Variants in CNTLN observed in about 807,000 individuals in gnomAD.
CNTLN encodes centlein.
CNTLN carries 212 observed loss-of-function variants against 180.0 expected under a neutral mutation model. That is an observed-to-expected ratio of 1.18 (90% CI 1.05 to 1.32). CNTLN has a LOEUF of 1.32. CNTLN is among the 40% of genes most tolerant of loss of function. The pLI is 0.00. For missense variants in CNTLN, 2,095 were observed against 1,610.9 expected, an observed-to-expected ratio of 1.30 and a Z score of -5.14; for synonymous variants, 722 against 563.1, an observed-to-expected ratio of 1.28 and a Z score of -3.99.
chr9:17,265,252 C>G (rs866134023), intron 5 of CNTLN, among the ~76,000 whole-genome samples: 19 of 151,276 alleles, frequency 1.3e-4, no homozygotes, highest in South Asian at 2.1e-4. Context: ...TAGCATGAAG[C>G]ATTGTTGAAT....
chr9:17,382,719 A>G (rs1587838525), intron 13 of CNTLN, among the ~76,000 whole-genome samples: 1 of 152,158 alleles, frequency 6.6e-6, no homozygotes, highest in African/African-American at 2.4e-5. Flanking sequence ...TACAATTGCT[A>G]TCCAATCTAG....
chr9:17,518,285 G>A, the CNTLN span, among the ~76,000 whole-genome samples: 7 of 151,906 alleles, frequency 4.6e-5, no homozygotes, highest in East Asian at 1.2e-3. Flanking sequence ...CTGACCTCGT[G>A]ATCTGCCTAC....
At chr9:17,519,191 G>A in the CNTLN span, among the ~76,000 whole-genome samples, 1 of 150,592 alleles carries the variant, frequency 6.6e-6, no homozygotes, top group Non-Finnish European at 1.5e-5. Context: ...GCCTCCCAAA[G>A]TGCTGGGATT....
chr9:17,491,176 G>A (rs1833142473), intron 25 of CNTLN, among the ~76,000 whole-genome samples: 2 of 151,944 alleles, frequency 1.3e-5, no homozygotes, highest in South Asian at 4.1e-4. Flanking sequence ...CTTTATAAAG[G>A]CAATGAAAAT....
chr9:17,277,109 CA>C (rs1828363401), intron 6 of CNTLN, among the ~76,000 whole-genome samples: 4 of 75,958 alleles, frequency 5.3e-5, no homozygotes, highest in East Asian at 4.2e-4. Flanking sequence ...CTTTGAAGTT[CA>C]TAGTCATTTA....
intron 2 of CNTLN, among the ~76,000 whole-genome samples, chr9:17,217,910 A>G (rs1219447700): frequency 2.6e-5 from 4 of 152,194 alleles, no homozygotes; most frequent in African/African-American, 7.2e-5. Context: ...TTGAATGAGT[A>G]TCTGATATAT....
intron 10 of CNTLN, among the ~76,000 whole-genome samples, chr9:17,335,054 A>G (rs907142366): frequency 1.9e-4 from 29 of 152,222 alleles, no homozygotes; most frequent in Admixed American, 1.0e-3. Flanking sequence ...AAGGCAAGAG[A>G]AGACTAATGT....
intron 13 of CNTLN, among the ~76,000 whole-genome samples, chr9:17,376,454 T>A (rs1019068792): frequency 6.6e-6 from 1 of 151,790 alleles, no homozygotes; most frequent in Non-Finnish European, 1.5e-5. Context: ...TTTAAATTTT[T>A]TAATTTTTTT....
At chr9:17,489,191 G>T (rs1232348817) in intron 25 of CNTLN, among the ~76,000 whole-genome samples, 2 of 151,546 alleles carry the variant, frequency 1.3e-5, no homozygotes, top group African/African-American at 2.4e-5. Context: ...TATTTGTCCT[G>T]AATTTTAGAA....
At chr9:17,393,173 CTT>C (rs1426159815) in intron 14 of CNTLN, among the ~76,000 whole-genome samples, 1 of 152,018 alleles carries the variant, frequency 6.6e-6, no homozygotes, top group Non-Finnish European at 1.5e-5. Flanking sequence ...TCTGGGGTCT[CTT>C]ATAATAGCAC....
intron 2 of CNTLN, among the ~76,000 whole-genome samples, chr9:17,151,332 G>C (rs191749056): frequency 7.2e-5 from 11 of 152,158 alleles, no homozygotes; most frequent in Non-Finnish European, 1.6e-4. Context: ...TTGATACCTA[G>C]TTTATTGAGA....
chr9:17,145,175 T>C (rs1818371583), intron 2 of CNTLN, among the ~76,000 whole-genome samples: 1 of 152,196 alleles, frequency 6.6e-6, no homozygotes. Flanking sequence ...CTCTGGGCCT[T>C]TTACCTGATC....
intron 2 of CNTLN, among the ~76,000 whole-genome samples, chr9:17,209,715 T>A (rs895513063): frequency 5.9e-5 from 9 of 152,210 alleles, no homozygotes; most frequent in African/African-American, 2.2e-4. Context: ...CTGTTTTGTC[T>A]AAGTATAGCT....
chr9:17,299,287 A>T, intron 7 of CNTLN: 1 of 162,032 alleles, frequency 6.2e-6, no homozygotes, highest in Non-Finnish European at 1.2e-5. Context: ...AATTCTTCAT[A>T]TGTTTTGTGT....
At chr9:17,442,738 C>G (rs1423534736) in intron 18 of CNTLN, among the ~76,000 whole-genome samples, 1 of 152,054 alleles carries the variant, frequency 6.6e-6, no homozygotes, top group Non-Finnish European at 1.5e-5. Flanking sequence ...TTAAAGATGT[C>G]ACAAAGAAAA....
chr9:17,425,820 G>C (rs1331566751), intron 18 of CNTLN, among the ~76,000 whole-genome samples: 4 of 152,166 alleles, frequency 2.6e-5, no homozygotes, highest in Non-Finnish European at 5.9e-5. Flanking sequence ...GAAGTTGGTT[G>C]AAATTTCTAA....
chr9:17,332,768 A>C lies in CNTLN; in HGVS notation c.1644+38A>C, dbSNP rs888912340. Reference sequence around the variant, plus strand: ...TCATTTCTTTAGTAGTAACCTTGCAAAGATAAAAATATACCAAAGTAAACA... The same window carrying C: ...TCATTTCTTTAGTAGTAACCTTGCACAGATAAAAATATACCAAAGTAAACA... On this transcript the variant is annotated intron_variant, in intron 10 of 25. Transcript: ENST00000380647. 8 of 1,518,416 alleles carry C rather than the reference A, an allele frequency of 5.3e-6. No individual in the cohort carries two copies. In the African/African-American group the frequency reaches 7.1e-5, roughly 13 times the overall value. The allele number at this position is 1,518,416 out of a possible 1,614,324, so 94.1% of individuals were successfully genotyped here.
chr9:17,340,898 C>T lies in CNTLN; in HGVS notation c.1716C>T (p.Asn572=). 1.2e-6 allele frequency: 2 copies of T among 1,612,288 alleles called. No individual in the cohort carries two copies. Among genetic ancestry groups the T allele is most frequent in the Non-Finnish European group, 1.7e-6 (2 of 1,179,038 alleles). The part of the protein sequence containing the change: ...RKERLQMLQT[N]YRAVKEQLKQ... ...AACGGCTACAGATGTTACAGACCAA[C>T]TACAGAGCAGTAAAAGAGCAATTAA... Residue 572 remains asparagine, a synonymous_variant, in exon 11 of 26, where the codon AAC becomes AAT. Coordinates refer to ENST00000380647, the MANE Select transcript of CNTLN (RefSeq NM_017738.4).
chr9:17,147,825 T>C (rs1818560891), intron 2 of CNTLN, among the ~76,000 whole-genome samples: 2 of 152,344 alleles, frequency 1.3e-5, no homozygotes, highest in East Asian at 1.9e-4. Flanking sequence ...AAAAATAGTA[T>C]AATAATGCCG....
Sources: allele counts gnomAD v4.1 joint callset (sites outside exome capture counted in the v4.1 genomes callset), GRCh38; gene constraint gnomAD v4.1.1; transcripts MANE v1.5; gene names NCBI Gene and HGNC (gene_info 2026-07-23, HGNC 2026-07-21).